SSBP2: variants seen among roughly 807,000 people sequenced by gnomAD.
SSBP2 encodes the protein single-stranded DNA-binding protein 2.
Under a neutral mutation model 61.8 loss-of-function variants are expected in SSBP2, and 17 were observed. The ratio of observed to expected loss-of-function variants is 0.28; its 90% CI spans 0.19 to 0.41. SSBP2 has a LOEUF of 0.41. Among genes scored for constraint, SSBP2 ranks in the 10% least tolerant of loss-of-function variants. The pLI is 1.00. For missense variants in SSBP2, 310 were observed against 458.7 expected (o/e 0.68, Z 2.96); for synonymous variants, 139 against 141.3 (o/e 0.98, Z 0.12).
intron 4 of SSBP2, among the ~76,000 whole-genome samples, chr5:81,528,557 A>C (rs1046802156): frequency 2.6e-4 from 40 of 152,070 alleles, no homozygotes; most frequent in African/African-American, 9.2e-4. Flanking sequence ...TAACATGCCC[A>C]CATAATTCAT....
chr5:81,695,695 A>G (rs1391730458), intron 1 of SSBP2, among the ~76,000 whole-genome samples: 2 of 152,074 alleles, frequency 1.3e-5, no homozygotes, highest in East Asian at 3.9e-4. Flanking sequence ...TCATTTTTCT[A>G]TATTTGCTTG....
chr5:81,650,192 AAAT>A, intron 2 of SSBP2, 72 bp downstream of exon 2: 8 of 1,098,342 alleles, frequency 7.3e-6, no homozygotes, highest in African/African-American at 1.6e-5. Context: ...AACTTTTTTC[AAAT>A]AATTATTATA....
intron 1 of SSBP2, among the ~76,000 whole-genome samples, chr5:81,726,059 A>G (rs1755866271): frequency 6.6e-6 from 1 of 152,246 alleles, no homozygotes; most frequent in South Asian, 2.1e-4. Context: ...AAAGAGACAG[A>G]CATATTCAAA....
intron 4 of SSBP2, among the ~76,000 whole-genome samples, chr5:81,550,235 T>G (rs1226455798): frequency 1.3e-5 from 2 of 152,234 alleles, no homozygotes; most frequent in Non-Finnish European, 2.9e-5. Context: ...CTTCTGATAC[T>G]ATTGTTGTCT....
chr5:81,463,471 G>A (rs1350137629), intron 9 of SSBP2, among the ~76,000 whole-genome samples: 4 of 152,088 alleles, frequency 2.6e-5, no homozygotes, highest in Non-Finnish European at 4.4e-5. Context: ...AGGCCGAGGC[G>A]GGGGGACCAC....
intron 13 of SSBP2, among the ~76,000 whole-genome samples, chr5:81,441,411 G>A (rs1435068792): frequency 6.6e-6 from 1 of 152,144 alleles, no homozygotes. Context: ...AGCCCAGTTC[G>A]AAGACAAGTT....
At chr5:81,431,891 C>G (rs1022894894) in intron 15 of SSBP2, among the ~76,000 whole-genome samples, 4 of 152,162 alleles carry the variant, frequency 2.6e-5, no homozygotes, top group African/African-American at 9.7e-5. Flanking sequence ...CAGCTCATAT[C>G]TTCTCTTAAT....
In SSBP2 at chr5:81,544,754, A is replaced by AC. The variant is rs200862622; in HGVS notation, c.283-31038dup. On this transcript the variant is annotated intron_variant, in intron 4 of 16. Coordinates refer to ENST00000320672, the MANE Select transcript of SSBP2 (RefSeq NM_012446.5). ...ATGGTAGAGACTGGATGCTCACTAA[A>AC]CCTGTTTTTGCTTCTCAGACACACA... 5.8e-3 allele frequency among the ~76,000 whole-genome samples: 877 copies of AC among 152,230 alleles called. 5 individuals carry two copies. The highest frequency in any genetic ancestry group is 0.018 in the African/African-American group (760 of 41,542).
intron 2 of SSBP2, among the ~76,000 whole-genome samples, chr5:81,640,277 T>A (rs575516536): frequency 1.3e-5 from 2 of 152,108 alleles, no homozygotes; most frequent in African/African-American, 4.8e-5. Flanking sequence ...GAGGCGGAGA[T>A]TGCAGTGAGC....
chr5:81,445,176 A>ATATATC (rs1188731137), intron 12 of SSBP2, among the ~76,000 whole-genome samples: 4 of 79,584 alleles, frequency 5.0e-5, no homozygotes, highest in African/African-American at 2.3e-4. Flanking sequence ...ATATATATAT[A>ATATATC]TGTATGTATT....
In SSBP2 at chr5:81,751,027, T is replaced by C; in HGVS notation, c.16A>G (p.Lys6Glu). 1 of 1,599,238 alleles carries C rather than the reference T, an allele frequency of 6.3e-7. No homozygotes were observed. ...GACGGGACGGCGCTGCTGTTACTCT[T>C]GCCTTTGCCGTACATGCTTGTGCCG... The change falls in exon 1 of 17, where the codon AAG becomes GAG. Residue 6 changes from lysine to glutamate, a missense_variant. Transcript: ENST00000320672.
chr5:81,669,199 T>C (rs909873699), intron 1 of SSBP2, among the ~76,000 whole-genome samples: 1 of 152,238 alleles, frequency 6.6e-6, no homozygotes, highest in Admixed American at 6.5e-5. Flanking sequence ...CTGGCAATGA[T>C]GTAGAGTAAC....
Position 81,625,442 on chromosome 5 carries a change from C to T in SSBP2, c.198-9885G>A, listed in dbSNP as rs1581197251. Among the ~76,000 whole-genome samples, 3 of 151,892 alleles carry T rather than the reference C, an allele frequency of 2.0e-5. No homozygotes were observed. In the East Asian group the frequency reaches 5.8e-4, roughly 29 times the overall value. On this transcript the variant is annotated intron_variant, in intron 3 of 16. Transcript: ENST00000320672. Reference sequence around the variant, plus strand: ...ATTAAACATGAAAGCAAATATTATCCTTGAAATGTAATGGGTTCATCATCA... The same window carrying T: ...ATTAAACATGAAAGCAAATATTATCTTTGAAATGTAATGGGTTCATCATCA...
intron 4 of SSBP2, among the ~76,000 whole-genome samples, chr5:81,610,630 T>G (rs973641119): frequency 5.3e-5 from 8 of 152,210 alleles, no homozygotes; most frequent in Non-Finnish European, 8.8e-5. Context: ...ATGACGTATA[T>G]GTAGAATAAA....
At chr5:81,441,509 T>C (rs1244183947) in intron 13 of SSBP2, among the ~76,000 whole-genome samples, 1 of 151,928 alleles carries the variant, frequency 6.6e-6, no homozygotes, top group East Asian at 1.9e-4. Flanking sequence ...TTCTACCATG[T>C]TGTATGGTGC....
intron 1 of SSBP2, among the ~76,000 whole-genome samples, chr5:81,716,339 T>C (rs1755170154): frequency 6.6e-6 from 1 of 152,206 alleles, no homozygotes. Flanking sequence ...CTTTAAACAA[T>C]GTGCTTGTAA....
rs149051897 is a variant in SSBP2 at position 81,723,874 on chromosome 5, G to A, written c.62+27107C>T. Among the ~76,000 whole-genome samples, 234 of 152,018 alleles carry A rather than the reference G, an allele frequency of 1.5e-3. 1 individual carries two copies. Among genetic ancestry groups the A allele is most frequent in the African/African-American group, 5.5e-3 (228 of 41,520 alleles). On this transcript the variant is annotated intron_variant, in intron 1 of 16. Coordinates refer to ENST00000320672, the MANE Select transcript of SSBP2 (RefSeq NM_012446.5). ...TACCTATTCATTTCCCCAGAGTTGA[G>A]GAAGGAGTTATGTATTTATCCAACA...
intron 5 of SSBP2, among the ~76,000 whole-genome samples, chr5:81,494,216 A>G (rs1041594124): frequency 6.6e-6 from 1 of 152,228 alleles, no homozygotes; most frequent in Non-Finnish European, 1.5e-5. Context: ...ATGAATACTG[A>G]AGATCAAGGC....
intron 16 of SSBP2, among the ~76,000 whole-genome samples, chr5:81,424,763 T>C (rs189653042): frequency 3.9e-5 from 6 of 152,348 alleles, no homozygotes; most frequent in Admixed American, 2.6e-4. Context: ...AGTAGAGAAG[T>C]GGCTTACAAT....
Sources: gnomAD v4.1 joint callset for allele counts (sites outside exome capture counted in the v4.1 genomes callset) on GRCh38, gnomAD v4.1.1 for gene constraint, MANE v1.5 for transcripts, NCBI Gene and HGNC (gene_info 2026-07-23, HGNC 2026-07-21) for gene names.